The following PTPRT variants were observed in gnomAD, a reference collection of about 807,000 sequenced individuals.
The protein encoded by PTPRT is protein tyrosine phosphatase receptor type T.
Under a neutral mutation model 176.8 loss-of-function variants are expected in PTPRT, and 56 were observed. The ratio of observed to expected loss-of-function variants is 0.32; its 90% CI spans 0.26 to 0.40. PTPRT has a LOEUF of 0.40. Ranked by LOEUF, PTPRT falls within the 10% of genes least tolerant of loss-of-function variation. The pLI is 1.00. For missense variants in PTPRT, 1,540 were observed against 1,908.2 expected, an observed-to-expected ratio of 0.81 and a Z score of 3.60; for synonymous variants, 783 against 739.0, an observed-to-expected ratio of 1.06 and a Z score of -0.96.
At chr20:42,072,384 G>T (rs1158446255), downstream of PTPRT, among the ~76,000 whole-genome samples, 2 of 152,156 alleles carry the variant, frequency 1.3e-5, no homozygotes, top group African/African-American at 2.4e-5. Flanking sequence ...TTATTATGCA[G>T]CCATAGCTAG....
At chr20:42,880,591 G>A (rs972911787) in intron 2 of PTPRT, among the ~76,000 whole-genome samples, 1 of 152,132 alleles carries the variant, frequency 6.6e-6, no homozygotes, top group Non-Finnish European at 1.5e-5. Flanking sequence ...TGTAATTCAG[G>A]GCTGTACCTC....
intron 2 of PTPRT, among the ~76,000 whole-genome samples, chr20:42,828,543 T>C (rs1249726840): frequency 6.6e-6 from 1 of 152,102 alleles, no homozygotes; most frequent in African/African-American, 2.4e-5. Context: ...ACCTTCACAG[T>C]AGCCCCTCCC....
At position 42,418,682 on chromosome 20, in the gene PTPRT, C is replaced by A. The variant is rs987949752; in HGVS notation, c.1560+29538G>T. Among the ~76,000 whole-genome samples, 4 of 152,120 alleles carry A rather than the reference C, an allele frequency of 2.6e-5. No individual in the cohort carries two copies. In the East Asian group the frequency reaches 7.7e-4, roughly 29 times the overall value. On this transcript the variant is annotated intron_variant, in intron 9 of 30. Coordinates refer to ENST00000373187, the MANE Select transcript of PTPRT (RefSeq NM_007050.6). The stretch of plus-strand genomic sequence containing the variant: ...CTGGACACAAAGATGGGTTCCCAGG[C>A]TCTCAGGTATGTACTGCCGCTCAGA...
At chr20:42,382,722 C>T (rs1038589049) in intron 9 of PTPRT, among the ~76,000 whole-genome samples, 1 of 152,056 alleles carries the variant, frequency 6.6e-6, no homozygotes, top group Non-Finnish European at 1.5e-5. Flanking sequence ...GTAAGAGGAA[C>T]CAGAGCATGC....
At chr20:42,674,929 G>A (rs377123666) in intron 7 of PTPRT, among the ~76,000 whole-genome samples, 1 of 146,376 alleles carries the variant, frequency 6.8e-6, no homozygotes, top group Admixed American at 6.6e-5. Flanking sequence ...ATATATGAAA[G>A]GGCAATTTGA....
intron 2 of PTPRT, among the ~76,000 whole-genome samples, chr20:42,817,426 C>A (rs1438092027): frequency 2.1e-5 from 3 of 143,314 alleles, no homozygotes; most frequent in African/African-American, 5.2e-5. Flanking sequence ...AACTATAGAA[C>A]AATCTCACCT....
intron 2 of PTPRT, among the ~76,000 whole-genome samples, chr20:42,816,956 G>T (rs2077797776): frequency 6.6e-6 from 1 of 152,176 alleles, no homozygotes; most frequent in African/African-American, 2.4e-5. Context: ...AGAGGTGATT[G>T]GGAGAAGGGG....
intron 5 of PTPRT, among the ~76,000 whole-genome samples, chr20:42,768,475 G>A (rs2077016839): frequency 6.6e-6 from 1 of 152,196 alleles, no homozygotes; most frequent in South Asian, 2.1e-4. Flanking sequence ...AACAATTCCT[G>A]TCTGGCTTCT....
chr20:42,449,113 T>A (rs1321333773), intron 8 of PTPRT, among the ~76,000 whole-genome samples: 1 of 152,196 alleles, frequency 6.6e-6, no homozygotes, highest in African/African-American at 2.4e-5. Flanking sequence ...AATTCCTGAA[T>A]CCAACATGAA....
intron 1 of PTPRT, among the ~76,000 whole-genome samples, chr20:43,085,706 G>A (rs981151700): frequency 3.9e-5 from 6 of 152,040 alleles, no homozygotes; most frequent in Non-Finnish European, 7.4e-5. Context: ...AGAACAGCAC[G>A]CGAAAAACCC....
chr20:42,937,152 C>G (rs139281894), intron 1 of PTPRT, among the ~76,000 whole-genome samples: 2 of 152,208 alleles, frequency 1.3e-5, no homozygotes, highest in African/African-American at 2.4e-5. Flanking sequence ...TATATAGGCA[C>G]ATCATAAAAC....
intron 22 of PTPRT, among the ~76,000 whole-genome samples, chr20:42,114,529 A>AC (rs1340253679): frequency 6.6e-6 from 1 of 152,214 alleles, no homozygotes; most frequent in African/African-American, 2.4e-5. Context: ...TAATGTCCAG[A>AC]CCAGCATTTC....
chr20:42,733,614 C>T (rs1569119889), intron 6 of PTPRT, among the ~76,000 whole-genome samples: 1 of 152,182 alleles, frequency 6.6e-6, no homozygotes, highest in Non-Finnish European at 1.5e-5. Flanking sequence ...TGCCTGCCTT[C>T]CAGGAGGCAT....
intron 7 of PTPRT, among the ~76,000 whole-genome samples, chr20:42,524,896 A>G (rs1348381659): frequency 6.6e-6 from 1 of 151,970 alleles, no homozygotes; most frequent in Non-Finnish European, 1.5e-5. Flanking sequence ...CATTTCCTTC[A>G]TAATATGTCT....
chr20:43,166,765 C>T (rs901512228), intron 1 of PTPRT, among the ~76,000 whole-genome samples: 3 of 152,166 alleles, frequency 2.0e-5, no homozygotes, highest in African/African-American at 4.8e-5. Context: ...GGCTGGCAGA[C>T]ATCAGAGTAC....
intron 1 of PTPRT, among the ~76,000 whole-genome samples, chr20:43,045,925 GCCAAAA>G (rs1986819643): frequency 6.6e-6 from 1 of 152,200 alleles, no homozygotes; most frequent in African/African-American, 2.4e-5. Context: ...TGTCTACTGA[GCCAAAA>G]CTTGGAAACT....
At chr20:42,608,197 A>G (rs4611702) in intron 7 of PTPRT, among the ~76,000 whole-genome samples, 43,526 of 152,052 alleles carry the variant, frequency 0.29, 9,122 homozygotes, top group African/African-American at 0.6. Context: ...AGTACTCAAT[A>G]GCCACAGCTG....
chr20:42,726,212 T>C (rs2076379232), intron 6 of PTPRT, among the ~76,000 whole-genome samples: 1 of 152,044 alleles, frequency 6.6e-6, no homozygotes, highest in Non-Finnish European at 1.5e-5. Flanking sequence ...CCTGAGTAGC[T>C]GGGATCTCAG....
At chr20:42,300,083 C>T (rs2057440634) in intron 12 of PTPRT, among the ~76,000 whole-genome samples, 1 of 151,272 alleles carries the variant, frequency 6.6e-6, no homozygotes, top group South Asian at 2.1e-4. Flanking sequence ...CATGGTGAAA[C>T]CCCGTCTCTA....
Sources: allele counts gnomAD v4.1 joint callset (sites outside exome capture counted in the v4.1 genomes callset), GRCh38; gene constraint gnomAD v4.1.1; transcripts MANE v1.5; gene names NCBI Gene and HGNC (gene_info 2026-07-23, HGNC 2026-07-21).